Variants in TBC1D5 observed in about 807,000 individuals in gnomAD.
TBC1D5 encodes TBC1 domain family, member 5.
Under a neutral mutation model 100.3 loss-of-function variants are expected in TBC1D5, and 75 were observed. The ratio of observed to expected loss-of-function variants is 0.75; its 90% CI spans 0.62 to 0.91. The LOEUF (loss-of-function observed/expected upper bound fraction) is 0.91, where lower values mean the gene tolerates loss of function less well. Ranked by LOEUF, TBC1D5 falls within the 40% of genes least tolerant of loss-of-function variation. The pLI is 0.00. For synonymous variants in TBC1D5, 323 were observed against 325.6 expected (o/e 0.99, Z 0.09); for missense variants, 910 against 942.4 (o/e 0.97, Z 0.45).
intron 2 of TBC1D5, among the ~76,000 whole-genome samples, chr3:17,616,717 C>CT (rs1022827635): frequency 6.6e-6 from 1 of 151,904 alleles, no homozygotes; most frequent in Non-Finnish European, 1.5e-5. Flanking sequence ...CAACCCCTGC[C>CT]TTTTTTTGCT....
At chr3:17,653,262 C>T (rs2153723926) in intron 1 of TBC1D5, among the ~76,000 whole-genome samples, 1 of 152,116 alleles carries the variant, frequency 6.6e-6, no homozygotes, top group African/African-American at 2.4e-5. Context: ...ATTTTAAACA[C>T]TTGATTTTAT....
intron 14 of TBC1D5, among the ~76,000 whole-genome samples, chr3:17,294,495 C>A (rs1438040244): frequency 6.6e-6 from 1 of 152,102 alleles, no homozygotes; most frequent in African/African-American, 2.4e-5. Flanking sequence ...TAGATAGAGA[C>A]CAGAACAATA....
chr3:17,184,509 G>C (rs1190200406), intron 19 of TBC1D5: 1 of 152,050 alleles, frequency 6.6e-6, no homozygotes, highest in Non-Finnish European at 1.5e-5. Flanking sequence ...TAGTCAGATT[G>C]CTTTTAAAGA....
intron 18 of TBC1D5, among the ~76,000 whole-genome samples, chr3:17,199,040 C>G (rs1041183685): frequency 3.3e-5 from 5 of 152,164 alleles, no homozygotes; most frequent in Admixed American, 2.6e-4. Context: ...AAGACAGTCT[C>G]TAGAGTGAAA....
At chr3:17,653,482 GAT>G (rs2065778165) in intron 1 of TBC1D5, among the ~76,000 whole-genome samples, 1 of 151,904 alleles carries the variant, frequency 6.6e-6, no homozygotes, top group Non-Finnish European at 1.5e-5. Flanking sequence ...CAAATTGAGG[GAT>G]ATTCTAAAAT....
At chr3:17,521,579 G>A (rs1335501531) in intron 2 of TBC1D5, among the ~76,000 whole-genome samples, 1 of 152,016 alleles carries the variant, frequency 6.6e-6, no homozygotes, top group Non-Finnish European at 1.5e-5. Context: ...ACTGCATAGG[G>A]GTCAGTATCC....
chr3:17,197,054 A>T (rs2070790866), intron 18 of TBC1D5, among the ~76,000 whole-genome samples: 1 of 152,202 alleles, frequency 6.6e-6, no homozygotes, highest in South Asian at 2.1e-4. Flanking sequence ...GATATCTGCC[A>T]GCTACCTCCA....
intron 1 of TBC1D5, among the ~76,000 whole-genome samples, chr3:17,679,134 C>A (rs1277738332): frequency 6.7e-6 from 1 of 150,216 alleles, no homozygotes; most frequent in Non-Finnish European, 1.5e-5. Flanking sequence ...GTAAAGGTAT[C>A]CAATCTCTGA....
chr3:17,348,888 A>C (rs553115748), intron 13 of TBC1D5, among the ~76,000 whole-genome samples: 2 of 152,340 alleles, frequency 1.3e-5, no homozygotes, highest in South Asian at 4.1e-4. Context: ...AGAATCTCTA[A>C]ATTCTAGACT....
At chr3:17,549,234 G>A (rs1007059691) in intron 2 of TBC1D5, among the ~76,000 whole-genome samples, 1 of 152,228 alleles carries the variant, frequency 6.6e-6, no homozygotes, top group Admixed American at 6.5e-5. Flanking sequence ...CTGGGAGGCA[G>A]AGGTCGCAGT....
Position 17,403,105 on chromosome 3 carries a change from TTG to T in TBC1D5, c.509+74_509+75del, listed in dbSNP as rs541853345. 249 of 1,288,394 alleles carry T rather than the reference TTG, an allele frequency of 1.9e-4. 1 individual carries two copies. In the African/African-American group the frequency reaches 3.4e-3, roughly 18 times the overall value. 79.8% of individuals were successfully genotyped at this position (1,288,394 alleles called of 1,614,324 possible). A position where few individuals can be genotyped will look rare whatever the true frequency, so the allele number is the denominator to read the frequency against. On this transcript the variant is annotated intron_variant, in intron 8 of 21. Transcript: ENST00000253692. ...CATTCAATTAAGTTGACTGCAGATT[TTG>T]TGTTTTGTTAAAATTAGAAAGAGAT... is the stretch of plus-strand genomic sequence containing the variant.
intron 3 of TBC1D5, among the ~76,000 whole-genome samples, chr3:17,473,612 T>A (rs947297936): frequency 2.6e-5 from 4 of 152,368 alleles, no homozygotes; most frequent in African/African-American, 9.6e-5. Flanking sequence ...TGGATCAACC[T>A]ACTTAATAAT....
intron 16 of TBC1D5, among the ~76,000 whole-genome samples, chr3:17,254,214 T>G (rs1457861553): frequency 6.6e-6 from 1 of 152,226 alleles, no homozygotes; most frequent in African/African-American, 2.4e-5. Flanking sequence ...TGTGTTTTTA[T>G]TTCCCTCGGA....
chr3:17,350,550 T>G (rs2090446052), intron 13 of TBC1D5, among the ~76,000 whole-genome samples: 8 of 152,176 alleles, frequency 5.3e-5, no homozygotes, highest in Admixed American at 3.9e-4. Flanking sequence ...TTTTTTACAA[T>G]CATGTGCTAA....
chr3:17,516,319 G>T (rs1237086921), intron 2 of TBC1D5, among the ~76,000 whole-genome samples: 4 of 151,898 alleles, frequency 2.6e-5, no homozygotes, highest in Admixed American at 2.6e-4. Context: ...TCTATTTATA[G>T]CAAGTGCTAA....
intron 18 of TBC1D5, among the ~76,000 whole-genome samples, chr3:17,209,370 C>T (rs1287334712): frequency 2.6e-5 from 4 of 152,150 alleles, no homozygotes; most frequent in South Asian, 2.1e-4. Context: ...AGGCTGGTCT[C>T]GAACTCCTGG....
chr3:17,586,112 G>C (rs1455790906), intron 2 of TBC1D5, among the ~76,000 whole-genome samples: 3 of 152,132 alleles, frequency 2.0e-5, no homozygotes, highest in Admixed American at 6.5e-5. Context: ...ATGGACAAAG[G>C]GGAAAGAATG....
At chr3:17,184,696 T>TAA in intron 19 of TBC1D5, 1 of 145,876 alleles carries the variant, frequency 6.9e-6, no homozygotes, top group Non-Finnish European at 1.5e-5. Context: ...CCCAGCTAAT[T>TAA]AAAAAAAAAA....
At chr3:17,313,272 G>GA (rs1205929305) in intron 13 of TBC1D5, among the ~76,000 whole-genome samples, 1 of 152,110 alleles carries the variant, frequency 6.6e-6, no homozygotes, top group Non-Finnish European at 1.5e-5. Flanking sequence ...ATCTCCTTGA[G>GA]AAAATTACTT....
Sources: gnomAD v4.1 joint callset for allele counts (sites outside exome capture counted in the v4.1 genomes callset) on GRCh38, gnomAD v4.1.1 for gene constraint, MANE v1.5 for transcripts, NCBI Gene and HGNC (gene_info 2026-07-23, HGNC 2026-07-21) for gene names.